The following ARHGAP15 variants were observed in gnomAD, a reference collection of about 807,000 sequenced individuals.
ARHGAP15 encodes rho GTPase-activating protein 15.
In ARHGAP15, 51 loss-of-function variants were observed where a neutral mutation model predicts 63.7. The observed-to-expected ratio is 0.80, with a 90% CI of 0.64 to 1.01. ARHGAP15 has a LOEUF of 1.01. Among genes scored for constraint, ARHGAP15 ranks in the 50% least tolerant of loss-of-function variants. ARHGAP15 has a pLI of 0.00. For synonymous variants in ARHGAP15, 191 were observed against 193.8 expected, an observed-to-expected ratio of 0.99 and a Z score of 0.12; for missense variants, 560 against 564.6, an observed-to-expected ratio of 0.99 and a Z score of 0.08.
At chr2:143,732,660 T>C (rs1370743344) in intron 13 of ARHGAP15, among the ~76,000 whole-genome samples, 1 of 152,070 alleles carries the variant, frequency 6.6e-6, no homozygotes, top group East Asian at 1.9e-4. Flanking sequence ...GTTGTCAGTA[T>C]TAAAATCAGA....
intron 13 of ARHGAP15, among the ~76,000 whole-genome samples, chr2:143,762,167 G>C (rs1686783917): frequency 6.6e-6 from 1 of 152,082 alleles, no homozygotes; most frequent in Non-Finnish European, 1.5e-5. Flanking sequence ...TCTTTGCTAT[G>C]ATTTCTTGGG....
intron 6 of ARHGAP15, among the ~76,000 whole-genome samples, chr2:143,428,094 G>A (rs1689209728): frequency 6.6e-6 from 1 of 152,022 alleles, no homozygotes; most frequent in African/African-American, 2.4e-5. Flanking sequence ...ACCAGTTTGT[G>A]CTAAGATAAA....
chr2:143,532,262 T>G (rs1694552909), intron 10 of ARHGAP15, among the ~76,000 whole-genome samples: 1 of 152,244 alleles, frequency 6.6e-6, no homozygotes, highest in Non-Finnish European at 1.5e-5. Context: ...TAATGGGAAT[T>G]TCCTGCCAGC....
intron 6 of ARHGAP15, among the ~76,000 whole-genome samples, chr2:143,297,482 G>T (rs1343800067): frequency 6.6e-6 from 1 of 151,914 alleles, no homozygotes; most frequent in Admixed American, 6.6e-5. Flanking sequence ...CCTGTTGTCT[G>T]GTCATGGTTT....
chr2:143,655,430 G>A (rs1681387036), intron 12 of ARHGAP15, among the ~76,000 whole-genome samples: 1 of 152,148 alleles, frequency 6.6e-6, no homozygotes, highest in Admixed American at 6.5e-5. Context: ...ACACAGTGTG[G>A]TAATCAACAG....
intron 8 of ARHGAP15, among the ~76,000 whole-genome samples, chr2:143,438,938 G>T (rs1203568192): frequency 6.6e-6 from 1 of 151,922 alleles, no homozygotes; most frequent in Non-Finnish European, 1.5e-5. Context: ...AGAAAATAAA[G>T]GTTTGCAAAA....
chr2:143,764,860 G>T (rs1686893317), intron 13 of ARHGAP15, among the ~76,000 whole-genome samples: 1 of 152,004 alleles, frequency 6.6e-6, no homozygotes, highest in African/African-American at 2.4e-5. Context: ...AGATTTCCTG[G>T]ACTCCAAGTC....
intron 6 of ARHGAP15, among the ~76,000 whole-genome samples, chr2:143,399,812 TC>T (rs1687920644): frequency 6.6e-6 from 1 of 152,048 alleles, no homozygotes; most frequent in Admixed American, 6.6e-5. Context: ...CTGGATCTGA[TC>T]CTTTTCCTCT....
At chr2:143,738,211 C>T (rs72994469) in intron 13 of ARHGAP15, among the ~76,000 whole-genome samples, 155 of 152,186 alleles carry the variant, frequency 1.0e-3, no homozygotes, top group African/African-American at 3.4e-3. Context: ...GGTACTTCTG[C>T]TGAGACAAGC....
intron 5 of ARHGAP15, among the ~76,000 whole-genome samples, chr2:143,234,276 A>G (rs1217089971): frequency 6.6e-6 from 1 of 152,166 alleles, no homozygotes; most frequent in Non-Finnish European, 1.5e-5. Context: ...TAGGAGGCAT[A>G]GTTGTTTTAT....
chr2:143,767,516 T>G (rs940566382), intron 13 of ARHGAP15, among the ~76,000 whole-genome samples: 2 of 152,216 alleles, frequency 1.3e-5, no homozygotes, highest in African/African-American at 4.8e-5. Flanking sequence ...CATATTCCAG[T>G]TAGCATTTGC....
intron 11 of ARHGAP15, among the ~76,000 whole-genome samples, chr2:143,604,191 CT>C (rs996280878): frequency 3.3e-5 from 5 of 152,218 alleles, no homozygotes; most frequent in African/African-American, 7.2e-5. Flanking sequence ...GGGACCTACT[CT>C]TTTGATCCTA....
intron 5 of ARHGAP15, 106 bp from the exon 6 acceptor site, chr2:143,250,405 T>C: frequency 1.3e-6 from 1 of 785,688 alleles, no homozygotes; most frequent in Non-Finnish European, 2.0e-6. Context: ...AAAAAAGGCA[T>C]TATATCATAA....
At chr2:143,258,341 CAG>C (rs1680529959) in intron 6 of ARHGAP15, among the ~76,000 whole-genome samples, 1 of 151,950 alleles carries the variant, frequency 6.6e-6, no homozygotes, top group South Asian at 2.1e-4. Flanking sequence ...GCTGAAACCT[CAG>C]AGCAATGTTT....
At chr2:143,236,053 G>T (rs1693630524) in intron 5 of ARHGAP15, 1 of 1,479,976 alleles carries the variant, frequency 6.8e-7, no homozygotes, top group African/African-American at 1.4e-5. Context: ...TCATAGAGAA[G>T]AAGCTCTGCA....
At chr2:143,519,913 A>T (rs1243903828) in intron 10 of ARHGAP15, among the ~76,000 whole-genome samples, 4 of 152,188 alleles carry the variant, frequency 2.6e-5, no homozygotes, top group African/African-American at 9.7e-5. Flanking sequence ...TTCTTCTGAA[A>T]TTATTTCATC....
At chr2:143,512,843 G>A (rs1466684251) in intron 9 of ARHGAP15, among the ~76,000 whole-genome samples, 1 of 152,210 alleles carries the variant, frequency 6.6e-6, no homozygotes, top group Non-Finnish European at 1.5e-5. Context: ...TAGTTCCTGT[G>A]TCCGCTCATC....
rs1476792542 is a variant in ARHGAP15, at chr2:143,202,144, A to C, written c.176A>C (p.His59Pro). The C allele has an allele frequency of 8.7e-6, 14 of 1,611,822 alleles. No individual in the cohort carries two copies. Among genetic ancestry groups the C allele is most frequent in the Non-Finnish European group, 1.1e-5 (13 of 1,178,388 alleles). The stretch of plus-strand genomic sequence containing the variant: ...TCAATATATTTGCAGATATCCAGAC[A>C]CAGAAGGAATCATTCACAGCATATC... ...VGKVTEPISR[H>P]RRNHSQHILK... is the part of the protein sequence containing the mutation. The change falls in exon 3 of 14, where the codon CAC becomes CCC. Residue 59 changes from histidine (H) to proline (P), a missense_variant. His to Pro is a moderately conservative substitution (Grantham distance 77). Transcript: ENST00000295095.
chr2:143,342,939 T>C (rs1441861361), intron 6 of ARHGAP15, among the ~76,000 whole-genome samples: 1 of 152,060 alleles, frequency 6.6e-6, no homozygotes, highest in African/African-American at 2.4e-5. Context: ...CCTAACCGCA[T>C]ATATGTGTGT....
Sources: gnomAD v4.1 joint callset for allele counts (sites outside exome capture counted in the v4.1 genomes callset) on GRCh38, gnomAD v4.1.1 for gene constraint, MANE v1.5 for transcripts, NCBI Gene and HGNC (gene_info 2026-07-23, HGNC 2026-07-21) for gene names.